Variants in RBFOX1 observed in about 807,000 individuals in gnomAD.
The protein encoded by RBFOX1 is RNA binding protein fox-1 homolog 1.
RBFOX1 carries 8 observed loss-of-function variants against 57.7 expected under a neutral mutation model. That is an observed-to-expected ratio of 0.14 (90% confidence interval 0.08 to 0.25). The LOEUF is 0.25. RBFOX1 is among the 10% of genes least tolerant of loss of function. The pLI is 1.00. For missense variants in RBFOX1, 611 were observed against 548.5 expected, an observed-to-expected ratio of 1.11 and a Z score of -1.14; for synonymous variants, 326 against 222.4, an observed-to-expected ratio of 1.47 and a Z score of -4.15.
At position 7,694,585 on chromosome 16, in the gene RBFOX1, T is replaced by C. The variant is rs569661955; in HGVS notation, c.996-14471T>C. 5.9e-5 allele frequency among the ~76,000 whole-genome samples: 9 copies of C among 152,364 alleles called. No homozygotes were observed. The South Asian group carries it at 1.9e-3, about 32-fold the overall frequency. ...TACTCTTTCTATAAAACCTCTTTGC[T>C]GATGGTCCTGCAATTTCCCTCTTAA... On this transcript the variant is annotated intron_variant, in intron 14 of 15. Transcript: ENST00000550418.
rs2082165560 is a variant in RBFOX1 at position 7,705,553 on chromosome 16, C to G, written c.996-3503C>G. ...TCCTATGTGCCTGGAGCACAGTAAC[C>G]AAGGGAAGGAAGATGAAGATTGAAA... On this transcript the variant is annotated intron_variant, in intron 14 of 15. Transcript: ENST00000550418. Among the ~76,000 whole-genome samples the G allele has an allele frequency of 2.0e-5, 3 of 151,996 alleles. No individual in the cohort carries two copies. The South Asian group carries it at 6.2e-4, about 32-fold the overall frequency.
intron 2 of RBFOX1, among the ~76,000 whole-genome samples, chr16:6,382,195 T>C (rs1007211622): frequency 5.9e-5 from 9 of 152,234 alleles, no homozygotes; most frequent in African/African-American, 2.2e-4. Flanking sequence ...TCCCCAACCA[T>C]TTAAAATTGC....
intron 2 of RBFOX1, among the ~76,000 whole-genome samples, chr16:6,567,994 A>G (rs1339475097): frequency 6.6e-6 from 1 of 151,916 alleles, no homozygotes; most frequent in East Asian, 1.9e-4. Flanking sequence ...CTAATTATTT[A>G]AATTCTTTGT....
At chr16:6,745,962 CA>C (rs1170573742) in intron 3 of RBFOX1, among the ~76,000 whole-genome samples, 1 of 152,110 alleles carries the variant, frequency 6.6e-6, no homozygotes, top group East Asian at 1.9e-4. Flanking sequence ...ATATGTAATT[CA>C]ATTATATTTT....
chr16:6,213,734 G>A (rs567437070), intron 1 of RBFOX1, among the ~76,000 whole-genome samples: 1 of 152,326 alleles, frequency 6.6e-6, no homozygotes, highest in South Asian at 2.1e-4. Context: ...ACCCCAACTT[G>A]TATCCCTCTC....
rs77529272 is a variant in RBFOX1 at position 6,954,387 on chromosome 16, A to T, written c.-15-97670A>T. On this transcript the variant is annotated intron_variant, in intron 3 of 15. Transcript: ENST00000550418. The stretch of plus-strand genomic sequence containing the variant: ...CCATCCATTAGTAGTTCCGGCATGC[A>T]TAGATGTGTCCCTCGTTTGCATTTA... Among the ~76,000 whole-genome samples the T allele has an allele frequency of 8.8e-3, 1,339 of 152,262 alleles. 20 individuals carry two copies. Among genetic ancestry groups the T allele is most frequent in the African/African-American group, 0.031 (1,282 of 41,550 alleles).
At chr16:6,854,218 C>T (rs541841139) in intron 3 of RBFOX1, among the ~76,000 whole-genome samples, 1 of 152,138 alleles carries the variant, frequency 6.6e-6, no homozygotes, top group African/African-American at 2.4e-5. Flanking sequence ...TTCATCTTCA[C>T]TGAGTTCCAT....
rs1286057144 is a variant in RBFOX1, at chr16:6,428,851, C to T, written c.-64+111794C>T. Among the ~76,000 whole-genome samples, 5 of 152,212 alleles carry T rather than the reference C, an allele frequency of 3.3e-5. No individual in the cohort carries two copies. In the South Asian group the frequency reaches 1.0e-3, roughly 32 times the overall value. On this transcript the variant is annotated intron_variant, in intron 2 of 15. Coordinates refer to ENST00000550418, the MANE Select transcript of RBFOX1 (RefSeq NM_018723.4). ...AGTCTAAATTAATTCAACACACAAA[C>T]GAGGCTGTGATTGTTTGTTTTACTA...
intron 3 of RBFOX1, among the ~76,000 whole-genome samples, chr16:6,821,049 T>G (rs2091209462): frequency 6.6e-6 from 1 of 152,216 alleles, no homozygotes; most frequent in African/African-American, 2.4e-5. Context: ...AACAGATTCC[T>G]ATATATTTCC....
intron 4 of RBFOX1, among the ~76,000 whole-genome samples, chr16:7,096,532 C>G (rs1189829827): frequency 6.6e-6 from 1 of 152,114 alleles, no homozygotes; most frequent in Non-Finnish European, 1.5e-5. Flanking sequence ...TTTCTTGCAC[C>G]TGGATTGAAT....
chr16:5,373,758 C>T (rs1341683697), intron 1 of RBFOX1, among the ~76,000 whole-genome samples: 5 of 151,656 alleles, frequency 3.3e-5, no homozygotes, highest in Admixed American at 2.0e-4. Flanking sequence ...TGCCGACCAC[C>T]ACACCCAGCT....
At chr16:6,420,076 C>T (rs2093731773) in intron 2 of RBFOX1, among the ~76,000 whole-genome samples, 1 of 152,136 alleles carries the variant, frequency 6.6e-6, no homozygotes, top group Non-Finnish European at 1.5e-5. Context: ...TGTTTTGCAG[C>T]TAACAATGAT....
chr16:6,685,188 C>A (rs1000147568), intron 3 of RBFOX1, among the ~76,000 whole-genome samples: 1 of 151,326 alleles, frequency 6.6e-6, no homozygotes, highest in Non-Finnish European at 1.5e-5. Context: ...ACTTACTAAC[C>A]AAAAATAAAG....
intron 1 of RBFOX1, among the ~76,000 whole-genome samples, chr16:6,059,636 G>C (rs1328263905): frequency 6.6e-6 from 1 of 151,984 alleles, no homozygotes; most frequent in Non-Finnish European, 1.5e-5. Flanking sequence ...TGACACTTGA[G>C]GTTATTCAAA....
intron 2 of RBFOX1, among the ~76,000 whole-genome samples, chr16:6,447,351 T>G (rs968728982): frequency 6.6e-6 from 1 of 152,200 alleles, no homozygotes; most frequent in African/African-American, 2.4e-5. Context: ...AACAGATCCC[T>G]CAAGACCAAC....
chr16:7,084,345 AAG>A (rs1261645107), intron 4 of RBFOX1, among the ~76,000 whole-genome samples: 3 of 151,898 alleles, frequency 2.0e-5, no homozygotes. Context: ...GGAGGGAAGA[AAG>A]AAAAAAATGT....
intron 2 of RBFOX1, among the ~76,000 whole-genome samples, chr16:5,588,370 G>GA (rs201853054): frequency 1.3e-4 from 20 of 149,234 alleles, no homozygotes; most frequent in African/African-American, 2.9e-4. Context: ...ATAAAGTTTG[G>GA]AAAAAAAAAT....
intron 4 of RBFOX1, among the ~76,000 whole-genome samples, chr16:7,176,373 T>G (rs1009780258): frequency 2.0e-5 from 3 of 151,958 alleles, no homozygotes; most frequent in African/African-American, 7.3e-5. Flanking sequence ...GCATATAGAG[T>G]GTACTTTGTG....
At chr16:6,316,252 C>G (rs1231883245) in intron 1 of RBFOX1, among the ~76,000 whole-genome samples, 1 of 152,126 alleles carries the variant, frequency 6.6e-6, no homozygotes, top group Non-Finnish European at 1.5e-5. Flanking sequence ...TAGGAGATGA[C>G]CTCTCTTTCA....
Sources: allele counts gnomAD v4.1 joint callset (sites outside exome capture counted in the v4.1 genomes callset), GRCh38; gene constraint gnomAD v4.1.1; transcripts MANE v1.5; gene names NCBI Gene and HGNC (gene_info 2026-07-23, HGNC 2026-07-21).